The following SYDE2 variants were observed in gnomAD, a reference collection of about 807,000 sequenced individuals.
SYDE2 encodes synapse defective Rho GTPase homolog 2.
In SYDE2, 76 loss-of-function variants were observed where a neutral mutation model predicts 91.5. That is an observed-to-expected ratio of 0.83 (90% CI 0.69 to 1.01). The LOEUF (loss-of-function observed/expected upper bound fraction) is 1.01, where lower values mean the gene tolerates loss of function less well. Ranked by LOEUF, SYDE2 falls within the 50% of genes least tolerant of loss-of-function variation. SYDE2 has a pLI of 0.00. For missense variants in SYDE2, 1,364 were observed against 1,367.7 expected (o/e 1.00, Z 0.04); for synonymous variants, 513 against 506.4 (o/e 1.01, Z -0.18).
intron 2 of SYDE2, among the ~76,000 whole-genome samples, chr1:85,187,986 A>C (rs1156438741): frequency 6.6e-6 from 1 of 152,074 alleles, no homozygotes; most frequent in African/African-American, 2.4e-5. Context: ...CATTGTGCAC[A>C]TGTACCCTAA....
Position 85,165,674 on chromosome 1 carries a change from A to G in SYDE2, c.2854-917T>C, listed in dbSNP as rs781298752. Reference sequence around the variant, plus strand: ...ATGAAAGAAAAAAATTACCAAAAAAAATATTTTTTAATCCTTAAAGAAACT... The same window carrying G: ...ATGAAAGAAAAAAATTACCAAAAAAGATATTTTTTAATCCTTAAAGAAACT... On this transcript the variant is annotated intron_variant, in intron 5 of 6. Coordinates refer to ENST00000341460, the MANE Select transcript of SYDE2 (RefSeq NM_032184.2). Among the ~76,000 whole-genome samples, 14 of 151,638 alleles carry G rather than the reference A, an allele frequency of 9.2e-5. No individual in the cohort carries two copies. The South Asian group carries it at 2.7e-3, about 29-fold the overall frequency.
chr1:85,194,686 TA>T (rs924684996), intron 1 of SYDE2: 1 of 319,014 alleles, frequency 3.1e-6, no homozygotes, highest in Admixed American at 6.5e-5. Context: ...AAATGGCAAT[TA>T]AAAGTTTTTC....
chr1:85,179,256 A>T (rs1477561971), intron 3 of SYDE2, among the ~76,000 whole-genome samples: 4 of 152,218 alleles, frequency 2.6e-5, no homozygotes, highest in Non-Finnish European at 5.9e-5. Context: ...GTAATCTTCC[A>T]GGATTTGAAT....
chr1:85,189,987 T>C (rs1658297582), intron 2 of SYDE2, 70 bp downstream of exon 2: 1 of 1,130,888 alleles, frequency 8.8e-7, no homozygotes, highest in Admixed American at 2.4e-5. Context: ...CTTTTATATT[T>C]AGTTTTAGCT....
At chr1:85,193,285 T>A (rs1270883857) in intron 1 of SYDE2, among the ~76,000 whole-genome samples, 1 of 152,254 alleles carries the variant, frequency 6.6e-6, no homozygotes. Context: ...CAGTATTACT[T>A]AACAGTATTT....
At chr1:85,186,958 A>G (rs1299453075) in intron 2 of SYDE2, among the ~76,000 whole-genome samples, 1 of 152,240 alleles carries the variant, frequency 6.6e-6, no homozygotes, top group African/African-American at 2.4e-5. Context: ...GGCATGGGCA[A>G]GGACTTCATG....
At chr1:85,197,799 C>A (rs1352029529) in intron 1 of SYDE2, among the ~76,000 whole-genome samples, 2 of 152,062 alleles carry the variant, frequency 1.3e-5, no homozygotes, top group East Asian at 1.9e-4. Flanking sequence ...GGACTACAGG[C>A]ACCCACCACC....
rs754511230 is a variant in SYDE2, at chr1:85,190,365, T to C, written c.1133A>G (p.Asp378Gly). The C allele has an allele frequency of 3.7e-6, 6 of 1,613,834 alleles. No individual in the cohort carries two copies. In the Admixed American group the frequency reaches 1.0e-4, roughly 27 times the overall value. Residue 378 changes from aspartate (D) to glycine (G), a missense_variant, in exon 2 of 7, where the codon GAT becomes GGT. Physicochemically the swap from Asp to Gly is moderately conservative, Grantham distance 94. Transcript: ENST00000341460. ...GEIWYNPIPE[D>G]DDLGISSALS... ...GGCACTTGATATACCAAGGTCATCATCCTCAGGAATGGGATTGTACCATAT... is the reference window on the plus strand; with the variant it reads ...GGCACTTGATATACCAAGGTCATCACCCTCAGGAATGGGATTGTACCATAT...
At chr1:85,181,959 G>A in intron 3 of SYDE2, 139 bp downstream of exon 3, 3 of 934,266 alleles carry the variant, frequency 3.2e-6, no homozygotes, top group Non-Finnish European at 3.1e-6. Flanking sequence ...ACCCTAAACA[G>A]TAATGGAATA....
chr1:85,190,003 C>A, intron 2 of SYDE2, 54 bp downstream of exon 2: 3 of 1,335,290 alleles, frequency 2.2e-6, no homozygotes, highest in South Asian at 1.5e-5. Context: ...TAGCTATTAT[C>A]AAATAATTCA....
intron 5 of SYDE2, 61 bp from the exon 6 acceptor site, chr1:85,164,818 T>G: frequency 1.0e-6 from 1 of 989,174 alleles, no homozygotes; most frequent in East Asian, 3.2e-5. Context: ...GGACACAATT[T>G]ATAGCAGGAA....
chr1:85,165,088 G>A (rs556665587), intron 5 of SYDE2, among the ~76,000 whole-genome samples: 1 of 152,184 alleles, frequency 6.6e-6, no homozygotes, highest in African/African-American at 2.4e-5. Context: ...AGAAAAATTA[G>A]CCGGGCATGA....
At chr1:85,169,721 C>T (rs1204041039) in intron 4 of SYDE2, among the ~76,000 whole-genome samples, 1 of 151,992 alleles carries the variant, frequency 6.6e-6, no homozygotes, top group African/African-American at 2.4e-5. Flanking sequence ...TGTCTTAAAC[C>T]GATATATTGG....
At chr1:85,179,966 T>A (rs1049585758) in intron 3 of SYDE2, among the ~76,000 whole-genome samples, 7 of 152,102 alleles carry the variant, frequency 4.6e-5, no homozygotes, top group Non-Finnish European at 8.8e-5. Context: ...GGAAGGAAGA[T>A]CTACTACAGG....
chr1:85,171,048 G>C (rs1399867170), intron 4 of SYDE2, among the ~76,000 whole-genome samples: 1 of 152,200 alleles, frequency 6.6e-6, no homozygotes, highest in Non-Finnish European at 1.5e-5. Context: ...GTGGATACTA[G>C]TGACACTATT....
At chr1:85,187,684 C>T (rs922323424) in intron 2 of SYDE2, among the ~76,000 whole-genome samples, 15 of 151,288 alleles carry the variant, frequency 9.9e-5, no homozygotes, top group Non-Finnish European at 1.5e-4. Flanking sequence ...TACTATGCAG[C>T]CATAAAAAAG....
chr1:85,200,579 T>G lies in SYDE2; in HGVS notation c.418A>C (p.Thr140Pro). 2 of 1,591,516 alleles carry G rather than the reference T, an allele frequency of 1.3e-6. No homozygotes were observed. The highest frequency in any genetic ancestry group is 1.1e-5 in the South Asian group (1 of 89,792). The change falls in exon 1 of 7, where the codon ACC becomes CCC. Residue 140 changes from threonine (T) to proline (P), a missense_variant. Physicochemically the swap from Thr to Pro is conservative, Grantham distance 38 (BLOSUM62 -1). Transcript: ENST00000341460. ...SGDRARAAAPTGLQPPGCKDH... is the reference protein window; with the variant it reads ...SGDRARAAAPPGLQPPGCKDH... The stretch of plus-strand genomic sequence containing the variant: ...TTGCAGCCTGGAGGCTGGAGGCCGG[T>G]GGGTGCAGCCGCCCGGGCGCGGTCC...
chr1:85,186,927 G>A (rs1658163845), intron 2 of SYDE2, among the ~76,000 whole-genome samples: 1 of 152,160 alleles, frequency 6.6e-6, no homozygotes, highest in Non-Finnish European at 1.5e-5. Context: ...AGAAAACCTA[G>A]GTATTACCAT....
At chr1:85,171,975 A>G (rs926817685) in intron 4 of SYDE2, among the ~76,000 whole-genome samples, 3 of 152,132 alleles carry the variant, frequency 2.0e-5, no homozygotes, top group African/African-American at 7.2e-5. Flanking sequence ...AACAGGAGAC[A>G]CCTAAACATT....
Sources: gnomAD v4.1 joint callset for allele counts (sites outside exome capture counted in the v4.1 genomes callset) on GRCh38, gnomAD v4.1.1 for gene constraint, MANE v1.5 for transcripts, NCBI Gene and HGNC (gene_info 2026-07-23, HGNC 2026-07-21) for gene names.